The following STK32B variants were observed in gnomAD, a reference collection of about 807,000 sequenced individuals.
STK32B encodes serine/threonine-protein kinase 32B.
Under a neutral mutation model 52.6 loss-of-function variants are expected in STK32B, and 43 were observed. The ratio of observed to expected loss-of-function variants is 0.82; its 90% CI spans 0.64 to 1.05. The LOEUF (loss-of-function observed/expected upper bound fraction) is 1.05, where lower values mean the gene tolerates loss of function less well. Ranked by LOEUF, STK32B falls within the 50% of genes least tolerant of loss-of-function variation. STK32B has a pLI of 0.00. For synonymous variants in STK32B, 238 were observed against 204.3 expected (o/e 1.17, Z -1.41); for missense variants, 621 against 534.6 (o/e 1.16, Z -1.59).
chr4:5,460,380 A>C lies in STK32B; in HGVS notation c.909+152A>C, dbSNP rs200995623. On this transcript the variant is annotated intron_variant, in intron 9 of 11. Transcript: ENST00000282908. The surrounding 1 kb of genome is among the most constrained non-coding windows in gnomAD (Gnocchi z 4.8). ...TATGTCTTGCTGGAATTCAGGGTGA[A>C]CTTGGGCCTGATTTCCAGGGTCCCA... 23 of 1,294,526 alleles carry C rather than the reference A, an allele frequency of 1.8e-5. No homozygotes were observed. The East Asian group carries it at 5.6e-4, about 32-fold the overall frequency. The allele number at this position is 1,294,526 out of a possible 1,614,324, so 80.2% of individuals were successfully genotyped here.
At chr4:5,036,342 T>A in the STK32B span, among the ~76,000 whole-genome samples, 1 of 152,168 alleles carries the variant, frequency 6.6e-6, no homozygotes, top group African/African-American at 2.4e-5. Flanking sequence ...AATGCTTCAG[T>A]CATCACATTT....
intron 1 of STK32B, among the ~76,000 whole-genome samples, chr4:5,121,890 T>C (rs991907039): frequency 6.6e-6 from 1 of 152,064 alleles, no homozygotes; most frequent in East Asian, 1.9e-4. Context: ...CAGCCACAAG[T>C]GAGGGGCCAG....
chr4:5,191,396 G>A lies in STK32B; in HGVS notation c.260+22946G>A, dbSNP rs577524058. ...CTCCCCAGTAGCTGGGATTACAGGC[G>A]CACACCACCACGCCTGGCTAATTTT... On this transcript the variant is annotated intron_variant, in intron 3 of 11. Transcript: ENST00000282908. 2.4e-4 allele frequency among the ~76,000 whole-genome samples: 36 copies of A among 152,050 alleles called. 2 individuals carry two copies. In the South Asian group the frequency reaches 6.7e-3, roughly 28 times the overall value.
chr4:5,254,783 CTA>C (rs1347139673), intron 3 of STK32B, among the ~76,000 whole-genome samples: 2 of 151,992 alleles, frequency 1.3e-5, no homozygotes, highest in African/African-American at 4.8e-5. Context: ...CTCACAGGTG[CTA>C]TGTTCTTTGA....
At chr4:5,242,004 CT>C (rs1328066602) in intron 3 of STK32B, among the ~76,000 whole-genome samples, 2 of 152,164 alleles carry the variant, frequency 1.3e-5, no homozygotes, top group Non-Finnish European at 2.9e-5. Context: ...GGTTCCAAGT[CT>C]TTGCTATTGT....
intron 6 of STK32B, among the ~76,000 whole-genome samples, chr4:5,426,267 A>G (rs1197429830): frequency 6.6e-6 from 1 of 152,178 alleles, no homozygotes; most frequent in Non-Finnish European, 1.5e-5. Flanking sequence ...CGTTGAGGTC[A>G]TTAGGCATTC....
At chr4:5,281,132 TAACC>T in intron 3 of STK32B, among the ~76,000 whole-genome samples, 1 of 148,660 alleles carries the variant, frequency 6.7e-6, no homozygotes, top group East Asian at 2.0e-4. Context: ...GCTGCACACT[TAACC>T]AACCAGATCT....
At chr4:5,483,987 T>C (rs1020571971) in intron 11 of STK32B, among the ~76,000 whole-genome samples, 2 of 152,222 alleles carry the variant, frequency 1.3e-5, no homozygotes, top group Non-Finnish European at 2.9e-5. Context: ...TTACATTTGC[T>C]GAGGAGTGCT....
At chr4:5,187,938 T>C (rs2108760572) in intron 3 of STK32B, among the ~76,000 whole-genome samples, 1 of 152,232 alleles carries the variant, frequency 6.6e-6, no homozygotes, top group East Asian at 1.9e-4. Flanking sequence ...TACTCAACAA[T>C]GTAGTAGACG....
intron 3 of STK32B, among the ~76,000 whole-genome samples, chr4:5,172,420 A>G (rs1423990172): frequency 1.3e-5 from 2 of 152,032 alleles, no homozygotes; most frequent in Non-Finnish European, 2.9e-5. Flanking sequence ...GTTTTTGTCC[A>G]TTCAGTATGA....
At chr4:5,486,374 G>C (rs1719204281) in intron 11 of STK32B, among the ~76,000 whole-genome samples, 1 of 152,202 alleles carries the variant, frequency 6.6e-6, no homozygotes, top group Non-Finnish European at 1.5e-5. Context: ...GTGGGTGTAG[G>C]ATCCTCCCAG....
At chr4:5,210,993 C>T (rs1167897435) in intron 3 of STK32B, among the ~76,000 whole-genome samples, 1 of 151,890 alleles carries the variant, frequency 6.6e-6, no homozygotes, top group South Asian at 2.1e-4. Context: ...TGGGGTCTAA[C>T]TAGGTTGCCT....
intron 2 of STK32B, among the ~76,000 whole-genome samples, chr4:5,152,069 A>G (rs950300909): frequency 2.6e-5 from 4 of 152,262 alleles, no homozygotes; most frequent in Admixed American, 2.0e-4. Flanking sequence ...CTGTGGAATC[A>G]GAGGTGAAAA....
intron 3 of STK32B, among the ~76,000 whole-genome samples, chr4:5,329,058 C>A (rs1732057382): frequency 6.6e-6 from 1 of 152,166 alleles, no homozygotes; most frequent in South Asian, 2.1e-4. Context: ...ACTGAAACTT[C>A]TGGAAATAGT....
At chr4:5,371,179 G>T (rs1735216534) in intron 4 of STK32B, among the ~76,000 whole-genome samples, 1 of 152,038 alleles carries the variant, frequency 6.6e-6, no homozygotes. Context: ...AGCAAAGACA[G>T]CTGGGATTAC....
In STK32B at chr4:5,157,424, G is replaced by A. The variant is rs986440654; in HGVS notation, c.109-10875G>A. On this transcript the variant is annotated intron_variant, in intron 2 of 11. Coordinates refer to ENST00000282908, the MANE Select transcript of STK32B (RefSeq NM_018401.3). ...GATTTCCATTGATGATAGCTGCTCTGCAGAAAATGTGTAGTGCAGTGACCT... is the reference window on the plus strand; with the variant it reads ...GATTTCCATTGATGATAGCTGCTCTACAGAAAATGTGTAGTGCAGTGACCT... Among the ~76,000 whole-genome samples, 9 of 152,238 alleles carry A rather than the reference G, an allele frequency of 5.9e-5. No homozygotes were observed. In the East Asian group the frequency reaches 1.4e-3, roughly 23 times the overall value.
the STK32B span, among the ~76,000 whole-genome samples, chr4:5,044,928 A>T: frequency 6.6e-6 from 1 of 152,026 alleles, no homozygotes; most frequent in East Asian, 1.9e-4. Context: ...ACACAACCAA[A>T]AAACCAAAAG....
rs1560185926 is a variant in STK32B at position 5,159,609 on chromosome 4, GAATATATATGAATA to G, written c.109-8689_109-8676del. Among the ~76,000 whole-genome samples, 7 of 95,860 alleles carry G rather than the reference GAATATATATGAATA, an allele frequency of 7.3e-5. 1 individual carries two copies. The South Asian group carries it at 1.5e-3, about 20-fold the overall frequency. The allele number at this position is 95,860 out of a possible 152,430, so 62.9% of individuals were successfully genotyped here. On this transcript the variant is annotated intron_variant, in intron 2 of 11. Transcript: ENST00000282908. ...TATGAATATATATGAATATATATAT[GAATATATATGAATA>G]TATATGAATATATATATGAATGTAT...
rs1281896133 is a variant in STK32B, at chr4:5,316,663, T to C, written c.261-14557T>C. Among the ~76,000 whole-genome samples the C allele has an allele frequency of 1.7e-4, 2 of 11,516 alleles. 1 individual carries two copies. The highest frequency in any genetic ancestry group is 2.2e-4 in the Non-Finnish European group (2 of 9,246). 7.6% of individuals were successfully genotyped at this position (11,516 alleles called of 152,430 possible). Reference sequence around the variant, plus strand: ...TATATTATATATATAATATATAATATATATTATATATATAATATAATATAA... The same window carrying C: ...TATATTATATATATAATATATAATACATATTATATATATAATATAATATAA... On this transcript the variant is annotated intron_variant, in intron 3 of 11. Coordinates refer to ENST00000282908, the MANE Select transcript of STK32B (RefSeq NM_018401.3).
Sources: gnomAD v4.1 joint callset for allele counts (sites outside exome capture counted in the v4.1 genomes callset) on GRCh38, gnomAD v4.1.1 for gene constraint, Gnocchi (gnomAD v3.1) non-coding constraint, MANE v1.5 for transcripts, NCBI Gene and HGNC (gene_info 2026-07-23, HGNC 2026-07-21) for gene names.